GRID1: variants seen among roughly 807,000 people sequenced by gnomAD.
GRID1 encodes glutamate ionotropic receptor delta type subunit 1, also known as glutamate receptor ionotropic, delta-1.
Under a neutral mutation model 98.0 loss-of-function variants are expected in GRID1, and 28 were observed. That is an observed-to-expected ratio of 0.29 (90% CI 0.21 to 0.39). The LOEUF is 0.39. Among genes scored for constraint, GRID1 ranks in the 10% least tolerant of loss-of-function variants. GRID1 has a pLI of 1.00. For synonymous variants in GRID1, 553 were observed against 538.5 expected (o/e 1.03, Z -0.37); for missense variants, 1,111 against 1,340.5 (o/e 0.83, Z 2.67).
chr10:86,010,009 T>C (rs1296766163), intron 4 of GRID1, among the ~76,000 whole-genome samples: 1 of 152,042 alleles, frequency 6.6e-6, no homozygotes, highest in African/African-American at 2.4e-5. Context: ...CAGGTTTGCA[T>C]ATCAGACACA....
intron 2 of GRID1, among the ~76,000 whole-genome samples, chr10:86,278,335 T>C: frequency 6.6e-6 from 1 of 152,114 alleles, no homozygotes; most frequent in East Asian, 1.9e-4. Flanking sequence ...TTTTAAAGGG[T>C]CAATCCAGTG....
intron 2 of GRID1, among the ~76,000 whole-genome samples, chr10:86,299,424 G>C (rs1216099960): frequency 6.6e-6 from 1 of 150,844 alleles, no homozygotes; most frequent in Middle Eastern, 3.2e-3. Context: ...ATGTTGGTGT[G>C]CTGCACCCAT....
chr10:86,302,843 G>A (rs536168922), intron 2 of GRID1, among the ~76,000 whole-genome samples: 2 of 152,236 alleles, frequency 1.3e-5, no homozygotes, highest in Non-Finnish European at 2.9e-5. Context: ...CCAATTGAGA[G>A]CTTGTTAGAA....
chr10:86,089,805 G>C (rs1844118679), intron 4 of GRID1, among the ~76,000 whole-genome samples: 2 of 151,566 alleles, frequency 1.3e-5, no homozygotes. Flanking sequence ...GGAGTGCAAT[G>C]GCGTGATCTC....
intron 4 of GRID1, among the ~76,000 whole-genome samples, chr10:86,134,048 T>C (rs959884374): frequency 6.6e-6 from 1 of 152,186 alleles, no homozygotes; most frequent in Non-Finnish European, 1.5e-5. Flanking sequence ...GACAGTGGCA[T>C]AGAACCAATA....
chr10:85,681,549 G>A (rs1841209065), intron 12 of GRID1, among the ~76,000 whole-genome samples: 2 of 151,964 alleles, frequency 1.3e-5, no homozygotes, highest in African/African-American at 4.8e-5. Context: ...GTTCACTGTG[G>A]GTCCCCACCC....
At chr10:86,053,851 T>C (rs1477434795) in intron 4 of GRID1, among the ~76,000 whole-genome samples, 1 of 152,186 alleles carries the variant, frequency 6.6e-6, no homozygotes, top group Non-Finnish European at 1.5e-5. Flanking sequence ...CACATGCTCA[T>C]ATGTGTGCAT....
intron 4 of GRID1, among the ~76,000 whole-genome samples, chr10:86,120,854 G>A (rs1423875041): frequency 2.6e-5 from 4 of 152,096 alleles, no homozygotes; most frequent in Non-Finnish European, 5.9e-5. Flanking sequence ...TGCCAAGTGG[G>A]ACATCTGGTT....
intron 2 of GRID1, among the ~76,000 whole-genome samples, chr10:86,268,033 C>G (rs1208956508): frequency 3.3e-5 from 5 of 152,192 alleles, no homozygotes; most frequent in Admixed American, 3.3e-4. Context: ...GTCATCTTAC[C>G]CGGAGGCAAA....
At chr10:86,092,502 T>C (rs574796413) in intron 4 of GRID1, among the ~76,000 whole-genome samples, 2 of 152,160 alleles carry the variant, frequency 1.3e-5, no homozygotes, top group African/African-American at 4.8e-5. Context: ...CAAACCTTTA[T>C]GTGCATAAAG....
At chr10:86,184,627 A>C (rs181283392) in intron 3 of GRID1, among the ~76,000 whole-genome samples, 1 of 152,026 alleles carries the variant, frequency 6.6e-6, no homozygotes, top group African/African-American at 2.4e-5. Context: ...CCAGTGATCT[A>C]TCTCTCTATG....
intron 4 of GRID1, among the ~76,000 whole-genome samples, chr10:85,926,241 C>T (rs902907516): frequency 6.6e-6 from 1 of 152,080 alleles, no homozygotes; most frequent in African/African-American, 2.4e-5. Context: ...GGGGCATAAA[C>T]GATTGTTTAC....
At chr10:85,758,823 A>T (rs1024585535) in intron 8 of GRID1, among the ~76,000 whole-genome samples, 1 of 152,180 alleles carries the variant, frequency 6.6e-6, no homozygotes, top group Non-Finnish European at 1.5e-5. Flanking sequence ...GTGACCTGCT[A>T]GTACTGAAAG....
At chr10:86,262,292 G>A (rs932466630) in intron 2 of GRID1, among the ~76,000 whole-genome samples, 2 of 152,232 alleles carry the variant, frequency 1.3e-5, no homozygotes, top group Non-Finnish European at 2.9e-5. Context: ...GTTTGGCCCA[G>A]AGCAAAGCCA....
At chr10:86,301,938 G>A (rs1589442574) in intron 2 of GRID1, among the ~76,000 whole-genome samples, 1 of 152,286 alleles carries the variant, frequency 6.6e-6, no homozygotes. Context: ...AGTCATCAAG[G>A]CTATATTTGC....
At chr10:86,250,560 G>A (rs985826352) in intron 2 of GRID1, among the ~76,000 whole-genome samples, 1 of 152,216 alleles carries the variant, frequency 6.6e-6, no homozygotes. Flanking sequence ...ATGTGTACTG[G>A]GGGGCAGCCC....
intron 8 of GRID1, among the ~76,000 whole-genome samples, chr10:85,815,297 GA>G (rs1842705900): frequency 6.6e-6 from 1 of 152,002 alleles, no homozygotes; most frequent in South Asian, 2.1e-4. Context: ...CTCATTTAAT[GA>G]AAGACACTGA....
intron 6 of GRID1, among the ~76,000 whole-genome samples, chr10:85,863,901 AATC>A (rs1386594699): frequency 1.4e-4 from 22 of 152,334 alleles, no homozygotes; most frequent in African/African-American, 4.3e-4. Flanking sequence ...TCAAGGTAAA[AATC>A]ATTCTTGGAG....
chr10:85,792,882 G>C (rs549846794), intron 8 of GRID1, among the ~76,000 whole-genome samples: 5 of 152,314 alleles, frequency 3.3e-5, no homozygotes, highest in African/African-American at 1.2e-4. Context: ...ACAGAGAAGT[G>C]TCAGCAGGAG....
Sources: gnomAD v4.1 joint callset for allele counts (sites outside exome capture counted in the v4.1 genomes callset) on GRCh38, gnomAD v4.1.1 for gene constraint, MANE v1.5 for transcripts, NCBI Gene and HGNC (gene_info 2026-07-23, HGNC 2026-07-21) for gene names.